Variants in ASIC3 observed in about 807,000 individuals in gnomAD.
ASIC3 encodes the protein acid-sensing ion channel 3.
Under a neutral mutation model 58.6 loss-of-function variants are expected in ASIC3, and 46 were observed. That is an observed-to-expected ratio of 0.79 (90% CI 0.62 to 1.00). The LOEUF (loss-of-function observed/expected upper bound fraction) is 1.00. Ranked by LOEUF, ASIC3 falls within the 50% of genes least tolerant of loss-of-function variation. The pLI is 0.00. For synonymous variants in ASIC3, 336 were observed against 300.2 expected (o/e 1.12, Z -1.23); for missense variants, 770 against 735.0 (o/e 1.05, Z -0.55).
At position 151,052,073 on chromosome 7, in the gene ASIC3, GC is replaced by G; in HGVS notation, c.1386+16del. ...GACTACCTCTGTGAGGTGGGCCAGG[GC>G]CCCCACTGCAGGGGGTGGGAGGTGG... On this transcript the variant is annotated intron_variant, in intron 8 of 10. Coordinates refer to ENST00000349064, the MANE Select transcript of ASIC3 (RefSeq NM_004769.4). The surrounding 1 kb of genome is among the most constrained non-coding windows in gnomAD (Gnocchi z 5.0). 1 of 1,613,646 alleles carries G rather than the reference GC, an allele frequency of 6.2e-7. No homozygotes were observed. Among genetic ancestry groups the G allele is most frequent in the Non-Finnish European group, 8.5e-7 (1 of 1,179,826 alleles).
Position 151,049,372 on chromosome 7 carries a change from G to A in ASIC3, c.487G>A (p.Asp163Asn). The A allele has an allele frequency of 6.2e-7, 1 of 1,608,202 alleles. No individual in the cohort carries two copies. Among genetic ancestry groups the A allele is most frequent in the Non-Finnish European group, 8.5e-7 (1 of 1,176,904 alleles). The change falls in exon 1 of 11, where the codon GAC becomes AAC. Residue 163 changes from aspartate (D) to asparagine (N), a missense_variant. Coordinates refer to ENST00000349064, the MANE Select transcript of ASIC3 (RefSeq NM_004769.4). ...AGHSLDDMLLDCRFRGQPCGP... is the reference protein window; with the variant it reads ...AGHSLDDMLLNCRFRGQPCGP... ...GCACTCCCTGGATGACATGCTGCTG[G>A]ACTGTCGCTTCCGTGGCCAACCTTG...
Position 151,050,785 on chromosome 7 carries a change from G to T in ASIC3, c.841G>T (p.Asp281Tyr). 1 of 1,613,846 alleles carries T rather than the reference G, an allele frequency of 6.2e-7. No homozygotes were observed. Among genetic ancestry groups the T allele is most frequent in the Non-Finnish European group, 8.5e-7 (1 of 1,179,910 alleles). The change falls in exon 4 of 11, where the codon GAT (aspartate) becomes TAT (tyrosine). Residue 281 changes from aspartate to tyrosine, a missense_variant. Physicochemically the swap from Asp to Tyr is radical, Grantham distance 160. Transcript: ENST00000349064. ...QLSFLPPPWG[D>Y]CSSASLNPNY... ...GAGCTTCCTGCCACCGCCCTGGGGC[G>T]ATTGCAGTTCAGCATCTCTGAACCC...
In ASIC3 at chr7:151,050,269, C is replaced by G. The variant is rs1452412380; in HGVS notation, c.685+13C>G. The G allele has an allele frequency of 3.7e-6, 6 of 1,607,088 alleles. No homozygotes were observed. Among genetic ancestry groups the G allele is most frequent in the Non-Finnish European group, 5.1e-6 (6 of 1,174,722 alleles). On this transcript the variant is annotated intron_variant, in intron 2 of 10. Transcript: ENST00000349064. ...TGGAGGGACAATGGTAGGGAGCACA[C>G]AAATGAGGCTGGGGGAGGGCACGGA... is the stretch of plus-strand genomic sequence containing the variant.
At position 151,050,239 on chromosome 7, in the gene ASIC3, C is replaced by T. The variant is rs757655509; in HGVS notation, c.668C>T (p.Pro223Leu). The change falls in exon 2 of 11, where the codon CCT (proline) becomes CTT (leucine). Residue 223 changes from proline (P) to leucine (L), a missense_variant. Transcript: ENST00000349064. ...MLDVQQEEYL[P>L]VWRDNEETPF... ...GACGTGCAGCAGGAGGAATATCTAC[C>T]TGTGTGGAGGGACAATGGTAGGGAG... The T allele has an allele frequency of 4.3e-6, 7 of 1,613,690 alleles. No homozygotes were observed.
intron 6 of ASIC3, 115 bp from the exon 7 acceptor site, chr7:151,051,695 G>A (rs1796784786): frequency 9.2e-7 from 1 of 1,089,052 alleles, no homozygotes. Context: ...GTGAGCCACC[G>A]TGCCCGGCCT....
chr7:151,050,980 G>C (rs746064840), intron 4 of ASIC3, 27 bp downstream of exon 4: 3 of 1,613,320 alleles, frequency 1.9e-6, no homozygotes, highest in Non-Finnish European at 2.5e-6. Context: ...TTCGTCCCAT[G>C]GCGGGCAGGG....
chr7:151,051,013 T>A, intron 4 of ASIC3, 26 bp from the exon 5 acceptor site: 1 of 1,613,218 alleles, frequency 6.2e-7, no homozygotes, highest in Non-Finnish European at 8.5e-7. Context: ...AGGCTGCTTC[T>A]AAAGCCATCT....
intron 6 of ASIC3, 113 bp downstream of exon 6, chr7:151,051,432 G>T: frequency 1.5e-6 from 2 of 1,310,394 alleles, no homozygotes; most frequent in Non-Finnish European, 2.0e-6. Context: ...GGCAGCCTCC[G>T]CAGCCTCACT....
chr7:151,051,301 G>A lies in ASIC3; in HGVS notation c.1196G>A (p.Arg399His). 1.3e-6 allele frequency: 2 copies of A among 1,520,934 alleles called. No individual in the cohort carries two copies. The highest frequency in any genetic ancestry group is 1.8e-6 in the Non-Finnish European group (2 of 1,142,638). 94.2% of individuals were successfully genotyped at this position (1,520,934 alleles called of 1,614,324 possible). A position where few individuals can be genotyped will look rare whatever the true frequency, so the allele number is the denominator to read the frequency against. ...AARFLARKLN[R>H]SEAYIAENVL... ...CGCTTCCTGGCCCGGAAGCTCAACC[G>A]CAGCGAGGCCTACATCGCGTGAGCT... Residue 399 changes from arginine (R) to histidine (H), a missense_variant, in exon 6 of 11, where the codon CGC becomes CAC. By Grantham distance (29) the Arg-to-His change is conservative (BLOSUM62 0). Transcript: ENST00000349064.
At chr7:151,051,013 T>G (rs1796760785) in intron 4 of ASIC3, 26 bp from the exon 5 acceptor site, 1 of 1,613,100 alleles carries the variant, frequency 6.2e-7, no homozygotes, top group African/African-American at 1.3e-5. Context: ...AGGCTGCTTC[T>G]AAAGCCATCT....
chr7:151,049,898 G>T (rs1796726204), intron 1 of ASIC3, among the ~76,000 whole-genome samples: 1 of 152,214 alleles, frequency 6.6e-6, no homozygotes, highest in Non-Finnish European at 1.5e-5. Flanking sequence ...CTGGGCTTTG[G>T]TGGGGATTGG....
rs755203966 is a variant in ASIC3, at chr7:151,052,518, G to A, written c.1517+44G>A. ...CTAAAATCAAGGGAGGGCAGGGGCA[G>A]GCTCAGGACAGTGGGTGTGCCCGTT... is the stretch of plus-strand genomic sequence containing the variant. On this transcript the variant is annotated intron_variant, in intron 10 of 10. Transcript: ENST00000349064. The surrounding 1 kb of genome is among the most constrained non-coding windows in gnomAD (Gnocchi z 5.0). 4.3e-6 allele frequency: 7 copies of A among 1,613,746 alleles called. No homozygotes were observed. The highest frequency in any genetic ancestry group is 5.9e-6 in the Non-Finnish European group (7 of 1,179,896).
rs1176317446 is a variant in ASIC3, at chr7:151,052,543, T to C, written c.1518-31T>C. 1 of 1,613,604 alleles carries C rather than the reference T, an allele frequency of 6.2e-7. No individual in the cohort carries two copies. The highest frequency in any genetic ancestry group is 1.7e-5 in the Admixed American group (1 of 59,972). Reference sequence around the variant, plus strand: ...GGCTCAGGACAGTGGGTGTGCCCGTTCCCACCCCAGCACTCTGCTCTGTTC... The same window carrying C: ...GGCTCAGGACAGTGGGTGTGCCCGTCCCCACCCCAGCACTCTGCTCTGTTC... On this transcript the variant is annotated intron_variant, in intron 10 of 10. Coordinates refer to ENST00000349064, the MANE Select transcript of ASIC3 (RefSeq NM_004769.4). The surrounding 1 kb of genome is among the most constrained non-coding windows in gnomAD (Gnocchi z 5.0).
rs769862915 is a variant in ASIC3, at chr7:151,050,920, C to A, written c.976C>A (p.Arg326=). The stretch of plus-strand genomic sequence containing the variant: ...GGCCTGCGAAACCCGCTACGTGGCT[C>A]GGAAGTGCGGCTGCCGAATGGTGTA... ...RLACETRYVA[R]KCGCRMVYMP... is the part of the protein sequence containing the mutation. The change falls in exon 4 of 11, where the codon CGG becomes AGG. Residue 326 remains arginine (R), a synonymous_variant. Transcript: ENST00000349064. The A allele has an allele frequency of 1.2e-6, 2 of 1,613,504 alleles. No homozygotes were observed. Among genetic ancestry groups the A allele is most frequent in the Non-Finnish European group, 1.7e-6 (2 of 1,180,014 alleles).
In ASIC3 at chr7:151,049,512, C is replaced by T; in HGVS notation, c.534+93C>T. 3 of 1,451,562 alleles carry T rather than the reference C, an allele frequency of 2.1e-6. No individual in the cohort carries two copies. In the East Asian group the frequency reaches 6.9e-5, roughly 33 times the overall value. The allele number at this position is 1,451,562 out of a possible 1,614,324, so 89.9% of individuals were successfully genotyped here. On this transcript the variant is annotated intron_variant, in intron 1 of 10. Coordinates refer to ENST00000349064, the MANE Select transcript of ASIC3 (RefSeq NM_004769.4). ...CAATTCCCTAGCCAGCACAGGCTCC[C>T]CCAAAGCCAGGGGACCTCTTCCTTC...
chr7:151,049,213 G>T lies in ASIC3; in HGVS notation c.328G>T (p.Ala110Ser), dbSNP rs769278125. Residue 110 changes from alanine (A) to serine (S), a missense_variant, in exon 1 of 11, where the codon GCT becomes TCT. Coordinates refer to ENST00000349064, the MANE Select transcript of ASIC3 (RefSeq NM_004769.4). ...CCTAACGCCCAACGACCTGCACTGG[G>T]CTGGGTCTGCGCTGCTGGGCCTGGA... is the stretch of plus-strand genomic sequence containing the variant. ...SRLTPNDLHW[A>S]GSALLGLDPA... 22 of 1,612,610 alleles carry T rather than the reference G, an allele frequency of 1.4e-5. No individual in the cohort carries two copies. Among genetic ancestry groups the T allele is most frequent in the Non-Finnish European group, 1.0e-5 (12 of 1,179,452 alleles).
intron 1 of ASIC3, 65 bp from the exon 2 acceptor site, chr7:151,050,041 G>C: frequency 6.2e-7 from 1 of 1,605,156 alleles, no homozygotes; most frequent in Non-Finnish European, 8.5e-7. Flanking sequence ...CATGAGGTGG[G>C]GAGAGGTCCC....
rs1367819870 is a variant in ASIC3 at position 151,050,849 on chromosome 7, C to T, written c.905C>T (p.Pro302Leu). Residue 302 changes from proline to leucine, a missense_variant, in exon 4 of 11, where the codon CCC becomes CTC. Transcript: ENST00000349064. Reference sequence around the variant, plus strand: ...GAGCCCTCTGATCCCCTAGGCTCCCCCAGCCCCAGCCCCAGCCCTCCCTAT... The same window carrying T: ...GAGCCCTCTGATCCCCTAGGCTCCCTCAGCCCCAGCCCCAGCCCTCCCTAT... ...EPEPSDPLGSPSPSPSPPYTL... is the reference protein window; with the variant it reads ...EPEPSDPLGSLSPSPSPPYTL... 5.0e-6 allele frequency: 8 copies of T among 1,606,366 alleles called. No individual in the cohort carries two copies. The Admixed American group carries it at 1.0e-4, about 20-fold the overall frequency.
rs1796768296 is a variant in ASIC3, at chr7:151,051,188, G to GGACTCGTGCGCCTGCCCC, written c.1084_1101dup (p.Asp362_Pro367dup). On this transcript the variant is annotated inframe_insertion, in exon 6 of 11. Coordinates refer to ENST00000349064, the MANE Select transcript of ASIC3 (RefSeq NM_004769.4). ...GGCCCGCAGATGCCATGCTTCGCAA[G>GGACTCGTGCGCCTGCCCC]GACTCGTGCGCCTGCCCCAACCCGT... is the stretch of plus-strand genomic sequence containing the variant. 1 of 1,591,746 alleles carries GGACTCGTGCGCCTGCCCC rather than the reference G, an allele frequency of 6.3e-7. No individual in the cohort carries two copies. The highest frequency in any genetic ancestry group is 8.5e-7 in the Non-Finnish European group (1 of 1,174,572).
Sources: allele counts gnomAD v4.1 joint callset (sites outside exome capture counted in the v4.1 genomes callset), GRCh38; gene constraint gnomAD v4.1.1; non-coding constraint Gnocchi (gnomAD v3.1); transcripts MANE v1.5; gene names NCBI Gene and HGNC (gene_info 2026-07-23, HGNC 2026-07-21).